Variants in TRPC4AP observed in about 807,000 individuals in gnomAD.
TRPC4AP encodes the protein short transient receptor potential channel 4-associated protein.
A neutral mutation model predicts 99.0 loss-of-function variants in TRPC4AP; 45 were observed. The ratio of observed to expected loss-of-function variants is 0.45; its 90% confidence interval spans 0.36 to 0.58. The LOEUF is 0.58. Ranked by LOEUF, TRPC4AP falls within the 20% of genes least tolerant of loss-of-function variation. TRPC4AP has a pLI of 0.00. For missense variants in TRPC4AP, 879 were observed against 985.3 expected, an observed-to-expected ratio of 0.89 and a Z score of 1.44; for synonymous variants, 408 against 385.8, an observed-to-expected ratio of 1.06 and a Z score of -0.67.
intron 1 of TRPC4AP, among the ~76,000 whole-genome samples, chr20:35,078,551 C>T (rs1022907705): frequency 2.6e-5 from 4 of 151,814 alleles, no homozygotes; most frequent in African/African-American, 4.8e-5. Flanking sequence ...TCAGTTAAGC[C>T]CATAAAAGGC....
rs921120238 is a variant in TRPC4AP, at chr20:35,012,530, T to G, written c.1409+478A>C. Among the ~76,000 whole-genome samples, 38 of 152,218 alleles carry G rather than the reference T, an allele frequency of 2.5e-4. 1 individual carries two copies. Among genetic ancestry groups the G allele is most frequent in the East Asian group, 5.8e-4 (3 of 5,196 alleles). ...TTACAGCAGAGAGTAATTTTCCTTG[T>G]ACATTCTCCATCGAAGGTTAAAAAA... On this transcript the variant is annotated intron_variant, in intron 11 of 18. Transcript: ENST00000252015.
intron 3 of TRPC4AP, among the ~76,000 whole-genome samples, chr20:35,061,841 T>C (rs1362435014): frequency 6.6e-6 from 1 of 152,126 alleles, no homozygotes; most frequent in African/African-American, 2.4e-5. Flanking sequence ...TAACAAAAGA[T>C]AAAATGAACT....
chr20:35,082,568 T>C (rs1261552338), intron 1 of TRPC4AP, among the ~76,000 whole-genome samples: 1 of 152,166 alleles, frequency 6.6e-6, no homozygotes, highest in African/African-American at 2.4e-5. Context: ...ACTAAAGCCA[T>C]GCTTACTGAC....
chr20:35,077,877 G>A (rs2084525293), intron 2 of TRPC4AP, among the ~76,000 whole-genome samples, 169 bp downstream of exon 2: 1 of 152,090 alleles, frequency 6.6e-6, no homozygotes, highest in African/African-American at 2.4e-5. Context: ...GATTATAGGT[G>A]ATGTATATTT....
intron 8 of TRPC4AP, among the ~76,000 whole-genome samples, chr20:35,029,759 C>T (rs1452727947): frequency 6.7e-6 from 1 of 148,506 alleles, no homozygotes; most frequent in Admixed American, 6.6e-5. Flanking sequence ...CCTCAGCCTC[C>T]CCAGCAGCTG....
intron 7 of TRPC4AP, among the ~76,000 whole-genome samples, chr20:35,044,149 G>A (rs1376171403): frequency 2.0e-5 from 3 of 151,942 alleles, no homozygotes; most frequent in Admixed American, 6.6e-5. Flanking sequence ...CTAGCACTTC[G>A]GGAAGATGAG....
At chr20:35,040,015 G>A (rs1039061752) in intron 7 of TRPC4AP, among the ~76,000 whole-genome samples, 7 of 151,594 alleles carry the variant, frequency 4.6e-5, no homozygotes, top group Non-Finnish European at 5.9e-5. Context: ...TATTAAAAAC[G>A]AAACGAAAAC....
Position 35,007,509 on chromosome 20 carries a change from G to C in TRPC4AP, c.1686+41C>G, listed in dbSNP as rs371721115. On this transcript the variant is annotated intron_variant, in intron 14 of 18. Transcript: ENST00000252015. ...CAGGACACAGCAACGCGTGGGCTGG[G>C]GGGAGACGGAACCCAAGACACTGGC... 16 of 1,600,146 alleles carry C rather than the reference G, an allele frequency of 1.0e-5. No homozygotes were observed. The African/African-American group carries it at 1.6e-4, about 16-fold the overall frequency.
intron 8 of TRPC4AP, among the ~76,000 whole-genome samples, chr20:35,022,896 G>A (rs576214379): frequency 1.4e-4 from 22 of 152,056 alleles, no homozygotes; most frequent in African/African-American, 4.1e-4. Flanking sequence ...GGTGGCATGC[G>A]CCTGTAGTCC....
At chr20:35,054,879 A>C in intron 5 of TRPC4AP, 97 bp downstream of exon 5, 3 of 1,053,628 alleles carry the variant, frequency 2.8e-6, no homozygotes, top group Admixed American at 2.0e-5. Flanking sequence ...GTCTGAAAGC[A>C]GCTCTTATGT....
intron 9 of TRPC4AP, among the ~76,000 whole-genome samples, chr20:35,018,455 G>A (rs1036867456): frequency 2.6e-5 from 4 of 151,910 alleles, no homozygotes; most frequent in Non-Finnish European, 5.9e-5. Context: ...AATTAGCTGG[G>A]TGTGGTGGTG....
chr20:35,003,742 C>T, intron 17 of TRPC4AP, 126 bp from the exon 18 acceptor site: 1 of 1,042,508 alleles, frequency 9.6e-7, no homozygotes, highest in Non-Finnish European at 1.4e-6. Flanking sequence ...AGAGCTCTCC[C>T]TGCACAGAGG....
chr20:35,018,789 C>T (rs938458971), intron 9 of TRPC4AP, among the ~76,000 whole-genome samples: 8 of 152,020 alleles, frequency 5.3e-5, no homozygotes, highest in South Asian at 2.1e-4. Flanking sequence ...GAGGAGGCAG[C>T]GGGTACAGGC....
rs1600516202 is a variant in TRPC4AP at position 35,016,010 on chromosome 20, G to A, written c.1348C>T (p.Pro450Ser). 1 of 1,614,108 alleles carries A rather than the reference G, an allele frequency of 6.2e-7. No individual in the cohort carries two copies. The change falls in exon 10 of 19, where the codon CCG becomes TCG. Residue 450 changes from proline to serine, a missense_variant and splice_region_variant. This residue lies in a region of TRPC4AP where 603 missense variants were observed against 631.8 expected (regional missense o/e 0.95). Transcript: ENST00000252015. The stretch of plus-strand genomic sequence containing the variant: ...GTCCCCGGGGGTCTCCTGCTTACCG[G>A]GCTACAGTCACAGTTCTGGTTGTGA... ...HGHNQNCDCSPDITLKIQFLR... is the reference protein window; with the variant it reads ...HGHNQNCDCSSDITLKIQFLR...
intron 1 of TRPC4AP, among the ~76,000 whole-genome samples, chr20:35,082,072 A>C (rs1003458647): frequency 2.0e-5 from 3 of 152,180 alleles, no homozygotes; most frequent in African/African-American, 4.8e-5. Context: ...CAAACTGGAT[A>C]ATGTTAATGA....
At chr20:35,029,991 C>T (rs2083140563) in intron 8 of TRPC4AP, among the ~76,000 whole-genome samples, 1 of 147,240 alleles carries the variant, frequency 6.8e-6, no homozygotes, top group African/African-American at 2.5e-5. Context: ...CCCGTAATCC[C>T]AGCACTTTGG....
Position 35,049,996 on chromosome 20 carries a change from TGTCAC to T in TRPC4AP, c.529-7_529-3del. ...CAAACGCTTTGTAACTCCCTCTGTC[TGTCAC>T]AAGAAGAAAAGGCAGAATAGGTTGT... On this transcript the variant is annotated splice_polypyrimidine_tract_variant and splice_region_variant and intron_variant, in intron 5 of 18. Coordinates refer to ENST00000252015, the MANE Select transcript of TRPC4AP (RefSeq NM_015638.3). The T allele has an allele frequency of 6.2e-7, 1 of 1,612,970 alleles. No individual in the cohort carries two copies. Among genetic ancestry groups the T allele is most frequent in the Middle Eastern group, 1.7e-4 (1 of 6,054 alleles).
In TRPC4AP at chr20:35,005,709, T is replaced by G; in HGVS notation, c.1922A>C (p.Gln641Pro). Reference sequence around the variant, plus strand: ...CTTTCATGTACCTTTCATATCCACCTGGTTTTCAAATCGGTCCAGGGACAG... The same window carrying G: ...CTTTCATGTACCTTTCATATCCACCGGGTTTTCAAATCGGTCCAGGGACAG... ...VTLSLDRFEN[Q>P]VDMKVAEVLS... is the part of the protein sequence containing the mutation. The change falls in exon 16 of 19, where the codon CAG becomes CCG. Residue 641 changes from glutamine (Q) to proline (P), a missense_variant. By Grantham distance (76) the Gln-to-Pro change is moderately conservative. Around this residue, in one of 3 missense-constraint regions of TRPC4AP, gnomAD observed 224 missense variants for 264.7 expected, o/e 0.85. Coordinates refer to ENST00000252015, the MANE Select transcript of TRPC4AP (RefSeq NM_015638.3). 1 of 1,614,138 alleles carries G rather than the reference T, an allele frequency of 6.2e-7. No individual in the cohort carries two copies. The highest frequency in any genetic ancestry group is 1.7e-4 in the Middle Eastern group (1 of 6,060).
rs1487685797 is a variant in TRPC4AP at position 35,092,678 on chromosome 20, C to A, written c.104G>T (p.Gly35Val). 2 of 1,528,400 alleles carry A rather than the reference C, an allele frequency of 1.3e-6. No individual in the cohort carries two copies. Among genetic ancestry groups the A allele is most frequent in the Non-Finnish European group, 1.7e-6 (2 of 1,147,120 alleles). 94.7% of individuals were successfully genotyped at this position (1,528,400 alleles called of 1,614,324 possible). Reference protein sequence around the residue: ...WGGWGGRPRPGNILLQLRQGQ... With the variant: ...WGGWGGRPRPVNILLQLRQGQ... ...CTGCCGCAGCTGCAGCAGAATGTTA[C>A]CAGGCCGCGGCCGGCCGCCCCATCC... The change falls in exon 1 of 19, where the codon GGT becomes GTT. Residue 35 changes from glycine to valine, a missense_variant. Physicochemically the swap from Gly to Val is moderately radical, Grantham distance 109 (BLOSUM62 -3). Around this residue, in one of 3 missense-constraint regions of TRPC4AP, gnomAD observed 603 missense variants for 631.8 expected, o/e 0.95. Transcript: ENST00000252015.
Sources: allele counts gnomAD v4.1 joint callset (sites outside exome capture counted in the v4.1 genomes callset), GRCh38; gene constraint gnomAD v4.1.1; regional missense constraint gnomAD v4.1.1; transcripts MANE v1.5; gene names NCBI Gene and HGNC (gene_info 2026-07-23, HGNC 2026-07-21).